Variants in OLFML2B observed in about 807,000 individuals in gnomAD.
OLFML2B encodes olfactomedin like 2B.
In OLFML2B, 57 loss-of-function variants were observed where a neutral mutation model predicts 74.9. The observed-to-expected ratio is 0.76, with a 90% CI of 0.61 to 0.95. The LOEUF (loss-of-function observed/expected upper bound fraction) is 0.95, where lower values mean the gene tolerates loss of function less well. Among genes scored for constraint, OLFML2B ranks in the 40% least tolerant of loss-of-function variants. OLFML2B has a pLI of 0.00. For synonymous variants in OLFML2B, 388 were observed against 405.8 expected (o/e 0.96, Z 0.53); for missense variants, 986 against 970.6 (o/e 1.02, Z -0.21).
intron 4 of OLFML2B, among the ~76,000 whole-genome samples, chr1:162,003,579 T>C (rs768653492): frequency 1.2e-3 from 176 of 152,260 alleles, no homozygotes; most frequent in Non-Finnish European, 1.9e-3. Context: ...CCTTTCTCTA[T>C]GAATCCAAGT....
At chr1:161,987,801 G>A (rs1689632890) in intron 6 of OLFML2B, among the ~76,000 whole-genome samples, 1 of 152,222 alleles carries the variant, frequency 6.6e-6, no homozygotes, top group African/African-American at 2.4e-5. Context: ...CATAGTCCTA[G>A]TACTAGGACC....
intron 2 of OLFML2B, among the ~76,000 whole-genome samples, chr1:162,019,692 G>GGCTC (rs1690641782): frequency 6.6e-6 from 1 of 150,582 alleles, no homozygotes; most frequent in African/African-American, 2.5e-5. Context: ...CAGCCTCTCT[G>GGCTC]GCTCCATAAG....
intron 6 of OLFML2B, among the ~76,000 whole-genome samples, chr1:161,993,704 G>A (rs534544095): frequency 1.4e-4 from 22 of 152,216 alleles, no homozygotes; most frequent in African/African-American, 4.3e-4. Context: ...TCCATTCCCT[G>A]CCCAACCTGG....
At chr1:161,994,066 T>C (rs1383264485) in intron 6 of OLFML2B, among the ~76,000 whole-genome samples, 3 of 152,282 alleles carry the variant, frequency 2.0e-5, no homozygotes, top group Admixed American at 2.0e-4. Flanking sequence ...TCCTTATTTC[T>C]AGGGCCAGAG....
At chr1:161,993,269 C>T (rs143876630) in intron 6 of OLFML2B, among the ~76,000 whole-genome samples, 1 of 152,310 alleles carries the variant, frequency 6.6e-6, no homozygotes, top group Non-Finnish European at 1.5e-5. Flanking sequence ...CTTTGCCTAG[C>T]TAATTTCCCC....
Position 161,998,064 on chromosome 1 carries a change from G to C in OLFML2B, c.1235C>G (p.Pro412Arg). The change falls in exon 6 of 8, where the codon CCT becomes CGT. Residue 412 changes from proline to arginine, a missense_variant. Transcript: ENST00000294794. The part of the protein sequence containing the change: ...PDPTRESVLQ[P>R]SPQVPATTVA... ...AGTGGTGGCTGGTACCTGAGGAGAA[G>C]GCTGCAGGACTGACTCCCTTGTGGG... The C allele has an allele frequency of 6.2e-7, 1 of 1,614,066 alleles. No individual in the cohort carries two copies. The highest frequency in any genetic ancestry group is 1.1e-5 in the South Asian group (1 of 91,088).
chr1:162,023,425 G>C lies in OLFML2B; in HGVS notation c.6C>G (p.Ala2=). 1 of 1,558,118 alleles carries C rather than the reference G, an allele frequency of 6.4e-7. No homozygotes were observed. The highest frequency in any genetic ancestry group is 8.7e-7 in the Non-Finnish European group (1 of 1,147,818). The part of the protein sequence containing the change: M[A]KPRLLVLYFA... ...AGTAGAGAACTAGCAGCCGAGGCTT[G>C]GCCATGAGGGGCGCGATAAGAGTGT... The change falls in exon 1 of 8, where the codon GCC becomes GCG. Residue 2 remains alanine (A), a synonymous_variant. Transcript: ENST00000294794.
chr1:161,984,949 C>T lies in OLFML2B; in HGVS notation c.1506G>A (p.Thr502=), dbSNP rs754133722. ...GRCKDTLSTI[T]GPTTQNTYGR... ...CATATGTGTTCTGGGTGGTCGGCCC[C>T]GTGATTGTGGAGAGAGTGTCCTTGC... Residue 502 remains threonine (T), a synonymous_variant, in exon 7 of 8, where the codon ACG becomes ACA. Coordinates refer to ENST00000294794, the MANE Select transcript of OLFML2B (RefSeq NM_015441.3). The T allele has an allele frequency of 9.9e-6, 16 of 1,608,938 alleles. No homozygotes were observed. In the South Asian group the frequency reaches 1.1e-4, roughly 11 times the overall value.
At chr1:162,000,044 C>T (rs1039126906) in intron 5 of OLFML2B, 69 bp downstream of exon 5, 35 of 1,219,910 alleles carry the variant, frequency 2.9e-5, no homozygotes, top group Non-Finnish European at 3.7e-5. Flanking sequence ...GGAATCCAGC[C>T]CACTATGGTC....
rs760459342 is a variant in OLFML2B, at chr1:161,984,827, C to T, written c.1628G>A (p.Arg543Gln). The T allele has an allele frequency of 1.2e-5, 19 of 1,613,244 alleles. No homozygotes were observed. The highest frequency in any genetic ancestry group is 4.4e-5 in the South Asian group (4 of 91,026). Residue 543 changes from arginine (R) to glutamine (Q), a missense_variant, in exon 7 of 8, where the codon CGG becomes CAG. By Grantham distance (43) the Arg-to-Gln change is conservative. Transcript: ENST00000294794. Reference protein sequence around the residue: ...YYYGNTLVEFRNLENFKQGRW... With the variant: ...YYYGNTLVEFQNLENFKQGRW... ...ACCTTGTTTGAAGTTCTCCAGGTTC[C>T]GGAACTCTACCAGGGTGTTGCCGTA...
intron 3 of OLFML2B, among the ~76,000 whole-genome samples, chr1:162,013,224 C>A (rs1690442692): frequency 6.6e-6 from 1 of 152,148 alleles, no homozygotes; most frequent in African/African-American, 2.4e-5. Context: ...TCAACTCCAA[C>A]ATGTACCTAC....
chr1:161,986,622 C>T (rs952178706), intron 6 of OLFML2B, among the ~76,000 whole-genome samples: 1 of 152,180 alleles, frequency 6.6e-6, no homozygotes, highest in Non-Finnish European at 1.5e-5. Flanking sequence ...CTCATCTGTT[C>T]AAGACAATAA....
intron 3 of OLFML2B, among the ~76,000 whole-genome samples, chr1:162,016,527 C>T (rs1366016998): frequency 1.3e-5 from 2 of 152,210 alleles, no homozygotes; most frequent in Admixed American, 1.3e-4. Flanking sequence ...TACAGTAATG[C>T]TGTAAACATT....
chr1:162,022,516 T>TG (rs1196900730), intron 1 of OLFML2B, among the ~76,000 whole-genome samples: 4 of 152,136 alleles, frequency 2.6e-5, no homozygotes, highest in African/African-American at 9.7e-5. Flanking sequence ...CCCAAAGTGC[T>TG]GGGATTACAG....
intron 5 of OLFML2B, among the ~76,000 whole-genome samples, chr1:161,999,511 C>T (rs890094746): frequency 2.6e-5 from 4 of 152,128 alleles, no homozygotes; most frequent in Admixed American, 1.3e-4. Context: ...GGGAAGGACT[C>T]GCTCAGACAT....
At chr1:162,016,628 A>C (rs908457350) in intron 3 of OLFML2B, among the ~76,000 whole-genome samples, 3 of 152,246 alleles carry the variant, frequency 2.0e-5, no homozygotes, top group Non-Finnish European at 4.4e-5. Context: ...AATGAAACAT[A>C]TCCATAAAGT....
rs754450386 is a variant in OLFML2B, at chr1:162,017,484, C to T, written c.462G>A (p.Leu154=). The part of the protein sequence containing the change: ...DLKLSTIIDM[L]EGAFYGLDLL... ...GATCCAGGCCATAGAACGCTCCTTC[C>T]AACATGTCTATGATTGTGGAGAGCT... Residue 154 remains leucine, a synonymous_variant, in exon 3 of 8, where the codon TTG becomes TTA. Transcript: ENST00000294794. 3.7e-6 allele frequency: 6 copies of T among 1,612,890 alleles called. No homozygotes were observed. Among genetic ancestry groups the T allele is most frequent in the Non-Finnish European group, 8.5e-7 (1 of 1,179,592 alleles).
intron 3 of OLFML2B, among the ~76,000 whole-genome samples, chr1:162,008,634 T>G (rs551631771): frequency 2.6e-5 from 4 of 152,190 alleles, no homozygotes; most frequent in Non-Finnish European, 5.9e-5. Context: ...ATTCAAAGTG[T>G]GGTGCAGAGT....
At chr1:162,023,024 T>C (rs1378924634) in intron 1 of OLFML2B, among the ~76,000 whole-genome samples, 1 of 152,186 alleles carries the variant, frequency 6.6e-6, no homozygotes, top group Non-Finnish European at 1.5e-5. Context: ...GCATCTTCCC[T>C]TCCTTCACCT....
Sources: gnomAD v4.1 joint callset for allele counts (sites outside exome capture counted in the v4.1 genomes callset) on GRCh38, gnomAD v4.1.1 for gene constraint, MANE v1.5 for transcripts, NCBI Gene and HGNC (gene_info 2026-07-23, HGNC 2026-07-21) for gene names.